GLIS3: variants seen among roughly 807,000 people sequenced by gnomAD.
The protein encoded by GLIS3 is zinc finger protein GLIS3.
A neutral mutation model predicts 78.6 loss-of-function variants in GLIS3; 53 were observed. The observed-to-expected ratio is 0.67, with a 90% CI of 0.54 to 0.85. The LOEUF is 0.85. GLIS3 is among the 40% of genes least tolerant of loss of function. GLIS3 has a pLI of 0.00. For missense variants in GLIS3, 1,703 were observed against 1,231.1 expected (o/e 1.38, Z -5.74); for synonymous variants, 684 against 509.9 (o/e 1.34, Z -4.60).
chr9:4,222,541 T>C (rs1821420456), intron 2 of GLIS3, among the ~76,000 whole-genome samples: 1 of 152,224 alleles, frequency 6.6e-6, no homozygotes, highest in Non-Finnish European at 1.5e-5. Context: ...CAGCCAAGAC[T>C]TTGCTTAACC....
intron 4 of GLIS3, chr9:3,975,337 T>C (rs546826024): frequency 5.3e-5 from 8 of 152,158 alleles, no homozygotes; most frequent in African/African-American, 7.2e-5. Flanking sequence ...TTTGTGCTTA[T>C]TGGAAGAGGG....
chr9:4,148,350 G>A (rs984103977), intron 2 of GLIS3, among the ~76,000 whole-genome samples: 1 of 151,940 alleles, frequency 6.6e-6, no homozygotes, highest in Non-Finnish European at 1.5e-5. Context: ...GAAATCCCTG[G>A]TCACCACATC....
At chr9:4,160,238 G>T (rs541212362) in intron 2 of GLIS3, among the ~76,000 whole-genome samples, 1 of 152,302 alleles carries the variant, frequency 6.6e-6, no homozygotes, top group Admixed American at 6.5e-5. Flanking sequence ...CGAATACCTG[G>T]TTTCATTTCT....
At chr9:4,161,698 G>C (rs983952260) in intron 2 of GLIS3, among the ~76,000 whole-genome samples, 1 of 80,576 alleles carries the variant, frequency 1.2e-5, no homozygotes, top group African/African-American at 6.1e-5. Flanking sequence ...TTTTTTTTGA[G>C]ACAGAGTTTC....
intron 7 of GLIS3, among the ~76,000 whole-genome samples, chr9:3,893,046 C>G (rs1822566795): frequency 6.6e-6 from 1 of 152,118 alleles, no homozygotes; most frequent in African/African-American, 2.4e-5. Context: ...CATTGTTTCA[C>G]TGCCCAGGTA....
At chr9:4,176,156 C>G (rs1213130113) in intron 2 of GLIS3, among the ~76,000 whole-genome samples, 2 of 152,102 alleles carry the variant, frequency 1.3e-5, no homozygotes, top group Admixed American at 1.3e-4. Flanking sequence ...AACCCAGAAT[C>G]AAGATCTGGT....
At chr9:4,473,286 A>G in the GLIS3 span, among the ~76,000 whole-genome samples, 33 of 152,154 alleles carry the variant, frequency 2.2e-4, no homozygotes, top group African/African-American at 7.2e-4. Flanking sequence ...TCTCTACTAA[A>G]AATACAAAAA....
chr9:4,371,680 A>T, the GLIS3 span, among the ~76,000 whole-genome samples: 1 of 152,026 alleles, frequency 6.6e-6, no homozygotes, highest in South Asian at 2.1e-4. Flanking sequence ...CATCTCTCTC[A>T]CTACTCACTA....
chr9:3,955,886 T>A (rs531641999), intron 4 of GLIS3, among the ~76,000 whole-genome samples: 1 of 151,938 alleles, frequency 6.6e-6, no homozygotes, highest in East Asian at 1.9e-4. Context: ...GTCAATATAA[T>A]CAGCAATGAG....
the GLIS3 span, among the ~76,000 whole-genome samples, chr9:4,356,470 G>C: frequency 6.6e-6 from 1 of 152,188 alleles, no homozygotes; most frequent in East Asian, 1.9e-4. Context: ...TTCACATGGA[G>C]AGCAGAGAAA....
chr9:3,881,179 T>C (rs552966563), intron 7 of GLIS3, among the ~76,000 whole-genome samples: 1 of 152,290 alleles, frequency 6.6e-6, no homozygotes, highest in South Asian at 2.1e-4. Flanking sequence ...GTTTCAAAAC[T>C]GGTGTTTGTC....
At chr9:4,344,610 C>G (rs770945874) in intron 2 of GLIS3, among the ~76,000 whole-genome samples, 1 of 152,188 alleles carries the variant, frequency 6.6e-6, no homozygotes, top group Non-Finnish European at 1.5e-5. Context: ...ATGCTAATAA[C>G]TCCCAAATTT....
At chr9:4,166,654 G>C (rs1212028102) in intron 2 of GLIS3, among the ~76,000 whole-genome samples, 1 of 152,164 alleles carries the variant, frequency 6.6e-6, no homozygotes, top group Admixed American at 6.5e-5. Flanking sequence ...GTCCCTTCCA[G>C]TTGGCACTAT....
chr9:4,023,718 G>C (rs1373762811), intron 4 of GLIS3, among the ~76,000 whole-genome samples: 1 of 152,206 alleles, frequency 6.6e-6, no homozygotes, highest in African/African-American at 2.4e-5. Context: ...TCAGAGACCA[G>C]CAAGAATTAG....
the GLIS3 span, among the ~76,000 whole-genome samples, chr9:4,410,854 T>G: frequency 0.67 from 102,095 of 152,000 alleles, 34,510 homozygotes; most frequent in South Asian, 0.77. Flanking sequence ...CTGATCAAGT[T>G]CTCTTTTAGT....
chr9:4,331,384 C>T (rs1422728720), intron 2 of GLIS3, among the ~76,000 whole-genome samples: 1 of 89,660 alleles, frequency 1.1e-5, no homozygotes, highest in Non-Finnish European at 3.5e-5. Flanking sequence ...CTAATTCCAT[C>T]TAGACCCTAT....
At chr9:4,068,404 A>C (rs1827286186) in intron 4 of GLIS3, among the ~76,000 whole-genome samples, 1 of 152,182 alleles carries the variant, frequency 6.6e-6, no homozygotes, top group Admixed American at 6.5e-5. Flanking sequence ...TCTGAATGAA[A>C]AAACAAGATT....
At chr9:3,899,201 T>C (rs1823101879) in intron 6 of GLIS3, among the ~76,000 whole-genome samples, 1 of 152,196 alleles carries the variant, frequency 6.6e-6, no homozygotes, top group South Asian at 2.1e-4. Flanking sequence ...GAAAGTGCTT[T>C]TAAAATAGAA....
the GLIS3 span, among the ~76,000 whole-genome samples, chr9:4,482,567 G>T: frequency 1.3e-5 from 2 of 152,160 alleles, no homozygotes; most frequent in African/African-American, 4.8e-5. Context: ...ACCGCATGAG[G>T]ACAAAGCAAT....
Sources: allele counts gnomAD v4.1 joint callset (sites outside exome capture counted in the v4.1 genomes callset), GRCh38; gene constraint gnomAD v4.1.1; transcripts MANE v1.5; gene names NCBI Gene and HGNC (gene_info 2026-07-23, HGNC 2026-07-21).